PRKN: variants seen among roughly 807,000 people sequenced by gnomAD.
The protein encoded by PRKN is parkin RBR E3 ubiquitin protein ligase, also known as E3 ubiquitin-protein ligase parkin.
PRKN carries 56 observed loss-of-function variants against 59.5 expected under a neutral mutation model. The observed-to-expected ratio is 0.94, with a 90% CI of 0.76 to 1.18. PRKN has a LOEUF of 1.18. PRKN is among the 50% of genes most tolerant of loss of function. PRKN has a pLI of 0.00. For missense variants in PRKN, 657 were observed against 596.4 expected, an observed-to-expected ratio of 1.10 and a Z score of -1.06; for synonymous variants, 250 against 222.1, an observed-to-expected ratio of 1.13 and a Z score of -1.12.
intron 9 of PRKN, among the ~76,000 whole-genome samples, chr6:161,455,902 C>T (rs1159744755): frequency 6.6e-6 from 1 of 150,572 alleles, no homozygotes; most frequent in Non-Finnish European, 1.5e-5. Flanking sequence ...CAAATAAATA[C>T]ATATACACAT....
intron 2 of PRKN, among the ~76,000 whole-genome samples, chr6:162,315,598 T>A (rs1424821908): frequency 6.6e-6 from 1 of 152,170 alleles, no homozygotes; most frequent in East Asian, 1.9e-4. Flanking sequence ...CAATGATTAA[T>A]TAACAGGAGA....
chr6:162,103,880 C>A (rs1780080508), intron 4 of PRKN, among the ~76,000 whole-genome samples: 1 of 152,152 alleles, frequency 6.6e-6, no homozygotes, highest in African/African-American at 2.4e-5. Context: ...AAATCCTGGG[C>A]ACTGTTCTCG....
At chr6:162,298,888 G>A (rs1156989884) in intron 2 of PRKN, among the ~76,000 whole-genome samples, 3 of 152,228 alleles carry the variant, frequency 2.0e-5, no homozygotes, top group African/African-American at 4.8e-5. Context: ...GTGCTGCCCC[G>A]CCATGTGCCC....
At chr6:162,124,100 G>C (rs1054628798) in intron 4 of PRKN, among the ~76,000 whole-genome samples, 2 of 152,090 alleles carry the variant, frequency 1.3e-5, no homozygotes, top group Non-Finnish European at 2.9e-5. Context: ...CCTCTAGTTA[G>C]TTTTAAGCAA....
At chr6:162,589,202 T>C (rs1472074447) in intron 1 of PRKN, among the ~76,000 whole-genome samples, 1 of 152,182 alleles carries the variant, frequency 6.6e-6, no homozygotes, top group Non-Finnish European at 1.5e-5. Flanking sequence ...CACAAACACA[T>C]ACCCTTGAGA....
intron 4 of PRKN, among the ~76,000 whole-genome samples, chr6:162,091,831 AT>A (rs1379608677): frequency 5.3e-5 from 8 of 151,554 alleles, no homozygotes; most frequent in Non-Finnish European, 1.0e-4. Flanking sequence ...GGGCCCAGGA[AT>A]TCAAAACTAG....
At chr6:162,660,550 A>G (rs533008027) in intron 1 of PRKN, among the ~76,000 whole-genome samples, 4 of 152,274 alleles carry the variant, frequency 2.6e-5, no homozygotes, top group African/African-American at 9.6e-5. Flanking sequence ...TTCCTTCCCT[A>G]TGATTCCATA....
In PRKN at chr6:161,466,612, T is replaced by G. The variant is rs1790490753; in HGVS notation, c.1084-79735A>C. Among the ~76,000 whole-genome samples, 1 of 152,152 alleles carries G rather than the reference T, an allele frequency of 6.6e-6. No individual in the cohort carries two copies. Among genetic ancestry groups the G allele is most frequent in the African/African-American group, 2.4e-5 (1 of 41,430 alleles). On this transcript the variant is annotated intron_variant, in intron 9 of 11. Transcript: ENST00000366898. The surrounding 1 kb of genome is among the most constrained non-coding windows in gnomAD (Gnocchi z 5.0). ...AAGATAAGCCAGTACATCTCTGAGA[T>G]TTGCCATCCTCTCTGGTAAGGACTG...
In PRKN at chr6:162,664,820, C is replaced by T. The variant is rs574729200; in HGVS notation, c.7+62842G>A. ...TGGGTATACTGCAAAAATTTTCTCCCATTCTCTAGGTTGCCTGTGCACTCT... is the reference window on the plus strand; with the variant it reads ...TGGGTATACTGCAAAAATTTTCTCCTATTCTCTAGGTTGCCTGTGCACTCT... On this transcript the variant is annotated intron_variant, in intron 1 of 11. Transcript: ENST00000366898. 6.8e-4 allele frequency among the ~76,000 whole-genome samples: 103 copies of T among 152,110 alleles called. 3 individuals are homozygous for T. In the South Asian group the frequency reaches 0.021, roughly 30 times the overall value.
intron 1 of PRKN, among the ~76,000 whole-genome samples, chr6:162,612,509 G>T (rs1283198776): frequency 6.6e-6 from 1 of 150,436 alleles, no homozygotes; most frequent in Non-Finnish European, 1.5e-5. Context: ...GACTTGCTGA[G>T]GCTCTGTTTG....
chr6:162,449,320 T>C (rs1257512619), intron 1 of PRKN, among the ~76,000 whole-genome samples: 3 of 152,204 alleles, frequency 2.0e-5, no homozygotes, highest in Non-Finnish European at 4.4e-5. Context: ...CTTTGATCCA[T>C]CAATAAATTT....
At chr6:162,519,560 G>T (rs2128193134) in intron 1 of PRKN, among the ~76,000 whole-genome samples, 1 of 152,216 alleles carries the variant, frequency 6.6e-6, no homozygotes, top group South Asian at 2.1e-4. Context: ...GTGAGATTTT[G>T]TATGTGTGTG....
At chr6:162,281,090 A>C (rs1005608534) in intron 2 of PRKN, among the ~76,000 whole-genome samples, 1 of 152,156 alleles carries the variant, frequency 6.6e-6, no homozygotes, top group African/African-American at 2.4e-5. Context: ...CATGGTGTAC[A>C]AAAAGGATGA....
In PRKN at chr6:162,040,964, C is replaced by T. The variant is rs1162777639; in HGVS notation, c.618+13127G>A. On this transcript the variant is annotated intron_variant, in intron 5 of 11. Coordinates refer to ENST00000366898, the MANE Select transcript of PRKN (RefSeq NM_004562.3). ...CGTTGGGAAGCCGAGGTGGGTAGAT[C>T]ACCTGAGGTCAGGAGTTCAAGACCA... is the stretch of plus-strand genomic sequence containing the variant. Among the ~76,000 whole-genome samples the T allele has an allele frequency of 2.6e-5, 4 of 151,444 alleles. No homozygotes were observed. In the East Asian group the frequency reaches 8.0e-4, roughly 30 times the overall value.
intron 10 of PRKN, among the ~76,000 whole-genome samples, chr6:161,375,186 G>A (rs970407255): frequency 6.6e-6 from 1 of 152,190 alleles, no homozygotes; most frequent in Non-Finnish European, 1.5e-5. Context: ...CCCCCCGGGG[G>A]TGCTGAGGCT....
chr6:162,048,944 C>A (rs1236705474), intron 5 of PRKN, among the ~76,000 whole-genome samples: 1 of 152,002 alleles, frequency 6.6e-6, no homozygotes, highest in Non-Finnish European at 1.5e-5. Flanking sequence ...GATTTCATCC[C>A]CTTTTTAATC....
intron 9 of PRKN, among the ~76,000 whole-genome samples, chr6:161,477,813 C>T (rs1791183048): frequency 6.6e-6 from 1 of 152,152 alleles, no homozygotes; most frequent in Admixed American, 6.5e-5. Flanking sequence ...GAAGACGGCT[C>T]ATGCAGGCCT....
intron 10 of PRKN, among the ~76,000 whole-genome samples, chr6:161,366,231 C>T (rs563169429): frequency 6.6e-6 from 1 of 152,252 alleles, no homozygotes; most frequent in African/African-American, 2.4e-5. Context: ...GAGACCTCCC[C>T]AGATCTAGAG....
At position 162,335,224 on chromosome 6, in the gene PRKN, T is replaced by A. The variant is rs572815192; in HGVS notation, c.172-72459A>T. ...TTTTTTTTAATTGTTGTATTTTTAG[T>A]AGAGATGGGGTTTCGCTAGGTTAGG... On this transcript the variant is annotated intron_variant, in intron 2 of 11. Coordinates refer to ENST00000366898, the MANE Select transcript of PRKN (RefSeq NM_004562.3). Among the ~76,000 whole-genome samples, 43 of 151,738 alleles carry A rather than the reference T, an allele frequency of 2.8e-4. 1 individual carries two copies. In the South Asian group the frequency reaches 8.3e-3, roughly 29 times the overall value.
Sources: allele counts gnomAD v4.1 joint callset (sites outside exome capture counted in the v4.1 genomes callset), GRCh38; gene constraint gnomAD v4.1.1; non-coding constraint Gnocchi (gnomAD v3.1); transcripts MANE v1.5; gene names NCBI Gene and HGNC (gene_info 2026-07-23, HGNC 2026-07-21).